ANKS1B: variants seen among roughly 807,000 people sequenced by gnomAD.
ANKS1B encodes ankyrin repeat and sterile alpha motif domain containing 1B.
In ANKS1B, 36 loss-of-function variants were observed where a neutral mutation model predicts 148.3. The observed-to-expected ratio is 0.24, with a 90% confidence interval of 0.19 to 0.32. The LOEUF (loss-of-function observed/expected upper bound fraction) is 0.32, where lower values mean the gene tolerates loss of function less well. Ranked by LOEUF, ANKS1B falls within the 10% of genes least tolerant of loss-of-function variation. The pLI is 1.00. For missense variants in ANKS1B, 1,157 were observed against 1,542.6 expected (o/e 0.75, Z 4.19); for synonymous variants, 542 against 560.8 (o/e 0.97, Z 0.47).
chr12:99,537,785 G>C (rs977788566), intron 9 of ANKS1B, among the ~76,000 whole-genome samples: 1 of 151,910 alleles, frequency 6.6e-6, no homozygotes, highest in Admixed American at 6.6e-5. Flanking sequence ...TTCCATTTTT[G>C]CTGTGGTTGT....
rs779843019 is a variant in ANKS1B, at chr12:99,775,703, T to C, written c.848-42A>G. The stretch of plus-strand genomic sequence containing the variant: ...TTGAGATTACATACTTGAATTCATT[T>C]ATTTTAAAATCAATAAATTTTAAGT... On this transcript the variant is annotated intron_variant, in intron 6 of 26. Transcript: ENST00000683438. 1.9e-4 allele frequency: 217 copies of C among 1,144,906 alleles called. No individual in the cohort carries two copies. In the East Asian group the frequency reaches 4.9e-3, roughly 26 times the overall value. The allele number at this position is 1,144,906 out of a possible 1,614,324, so 70.9% of individuals were successfully genotyped here. A position where few individuals can be genotyped will look rare whatever the true frequency, so the allele number is the denominator to read the frequency against.
chr12:98,989,164 T>C (rs879353430), intron 17 of ANKS1B, among the ~76,000 whole-genome samples: 3 of 152,190 alleles, frequency 2.0e-5, no homozygotes, highest in East Asian at 1.9e-4. Flanking sequence ...TTTTGGTTCA[T>C]GTTAAAAAAA....
chr12:99,930,342 T>C (rs1322051734), intron 1 of ANKS1B, among the ~76,000 whole-genome samples: 1 of 152,302 alleles, frequency 6.6e-6, no homozygotes, highest in East Asian at 1.9e-4. Flanking sequence ...TTTTGTACAT[T>C]GATTTTGTAT....
intron 10 of ANKS1B, among the ~76,000 whole-genome samples, chr12:99,467,381 G>C (rs2096140926): frequency 6.6e-6 from 1 of 152,168 alleles, no homozygotes; most frequent in African/African-American, 2.4e-5. Context: ...ACTGGCACAA[G>C]ACAGGGATGC....
intron 9 of ANKS1B, among the ~76,000 whole-genome samples, chr12:99,523,325 G>A (rs780939977): frequency 6.6e-6 from 1 of 152,152 alleles, no homozygotes; most frequent in Non-Finnish European, 1.5e-5. Context: ...GCTGAGGAAC[G>A]TGTATGACAA....
intron 9 of ANKS1B, among the ~76,000 whole-genome samples, chr12:98,736,679 T>C (rs1329881563): frequency 6.6e-6 from 1 of 151,562 alleles, no homozygotes; most frequent in Non-Finnish European, 1.5e-5. Context: ...GCCCCAAGAC[T>C]GAGTCCAGGG....
At chr12:99,513,955 C>A (rs1229469462) in intron 9 of ANKS1B, among the ~76,000 whole-genome samples, 3 of 152,016 alleles carry the variant, frequency 2.0e-5, no homozygotes, top group Non-Finnish European at 2.9e-5. Context: ...AGTCATAGAA[C>A]ACGTTGATTC....
rs114977259 is a variant in ANKS1B at position 98,926,171 on chromosome 12, G to A, written c.2779-94035C>T. Among the ~76,000 whole-genome samples, 67 of 152,248 alleles carry A rather than the reference G, an allele frequency of 4.4e-4. 1 individual carries two copies. The highest frequency in any genetic ancestry group is 1.5e-3 in the African/African-American group (64 of 41,542). ...GCTAAGGCAGAGTTGTAAACTGCCT[G>A]GTAGAGCATTGAAGACACACCTTAA... On this transcript the variant is annotated intron_variant, in intron 17 of 26. Coordinates refer to ENST00000683438, the MANE Select transcript of ANKS1B (RefSeq NM_001352186.2).
chr12:99,499,141 A>AT lies in ANKS1B; in HGVS notation c.1438+5334dup, dbSNP rs2096631987. 2.0e-5 allele frequency among the ~76,000 whole-genome samples: 3 copies of AT among 152,332 alleles called. No individual in the cohort carries two copies. The South Asian group carries it at 6.2e-4, about 32-fold the overall frequency. ...GGGGCAATTCTGTGGGGCTGAGTGG[A>AT]TAAGGTCTCATATAAAATTACATAG... On this transcript the variant is annotated intron_variant, in intron 10 of 26. Transcript: ENST00000683438.
At chr12:99,127,233 C>T (rs1258676687) in intron 15 of ANKS1B, among the ~76,000 whole-genome samples, 1 of 152,098 alleles carries the variant, frequency 6.6e-6, no homozygotes, top group Non-Finnish European at 1.5e-5. Context: ...AGGAGAGGAC[C>T]TGCCCTGGAG....
At chr12:99,593,488 A>G (rs1231976508) in intron 9 of ANKS1B, among the ~76,000 whole-genome samples, 1 of 152,144 alleles carries the variant, frequency 6.6e-6, no homozygotes, top group Admixed American at 6.6e-5. Context: ...AGGAATGAAC[A>G]TTCTCTGCAA....
rs1346259123 is a variant in ANKS1B at position 99,348,127 on chromosome 12, A to G, written c.1756+51504T>C. Among the ~76,000 whole-genome samples, 3 of 151,956 alleles carry G rather than the reference A, an allele frequency of 2.0e-5. No homozygotes were observed. The East Asian group carries it at 5.8e-4, about 29-fold the overall frequency. ...GAATAGAAAACATATAGATAAATCA[A>G]TTGAAATTATCCATTCTAAAGAACA... On this transcript the variant is annotated intron_variant, in intron 12 of 26. Transcript: ENST00000683438.
chr12:99,983,964 T>TA, intron 1 of ANKS1B, 140 bp downstream of exon 1: 3 of 725,562 alleles, frequency 4.1e-6, no homozygotes, highest in Non-Finnish European at 4.5e-6. Context: ...CTCCTCTCCA[T>TA]ACACGCAGTC....
chr12:99,069,096 C>A (rs1270849244), intron 16 of ANKS1B, among the ~76,000 whole-genome samples: 5 of 152,196 alleles, frequency 3.3e-5, no homozygotes, highest in East Asian at 1.9e-4. Flanking sequence ...AATGAATAGA[C>A]AGTCTGATTG....
At chr12:99,153,129 AC>A (rs2075375157) in intron 15 of ANKS1B, among the ~76,000 whole-genome samples, 2 of 152,014 alleles carry the variant, frequency 1.3e-5, no homozygotes, top group Non-Finnish European at 2.9e-5. Flanking sequence ...ATTTTTAAAA[AC>A]TCTTGGGCAT....
At position 99,029,742 on chromosome 12, in the gene ANKS1B, G is replaced by A. The variant is rs191093577; in HGVS notation, c.2778+23415C>T. 1.6e-4 allele frequency among the ~76,000 whole-genome samples: 24 copies of A among 152,344 alleles called. No individual in the cohort carries two copies. The East Asian group carries it at 3.1e-3, about 20-fold the overall frequency. On this transcript the variant is annotated intron_variant, in intron 17 of 26. Transcript: ENST00000683438. ...GGAAGAAGGCAGCTTTACACGTGAC[G>A]TAAAGAAGATTGACTGAAGGCATGC... is the stretch of plus-strand genomic sequence containing the variant.
At chr12:99,262,651 AAGATC>A (rs1293706830) in intron 12 of ANKS1B, among the ~76,000 whole-genome samples, 1 of 152,010 alleles carries the variant, frequency 6.6e-6, no homozygotes, top group East Asian at 1.9e-4. Context: ...CAATGAAAAT[AAGATC>A]ACTCTGTTTA....
chr12:99,222,327 C>G lies in ANKS1B; in HGVS notation c.2419+22015G>C, dbSNP rs569573275. ...TTTTATACTTTCTTACATTAAAACT[C>G]TCTTGGCCAGGAGTGGTGGCTCATG... On this transcript the variant is annotated intron_variant, in intron 14 of 26. Transcript: ENST00000683438. Among the ~76,000 whole-genome samples, 53 of 152,240 alleles carry G rather than the reference C, an allele frequency of 3.5e-4. No individual in the cohort carries two copies. In the South Asian group the frequency reaches 0.01, roughly 30 times the overall value.
intron 1 of ANKS1B, among the ~76,000 whole-genome samples, chr12:99,931,771 T>G (rs1267085726): frequency 2.6e-5 from 4 of 152,186 alleles, no homozygotes; most frequent in Admixed American, 2.6e-4. Context: ...TATTTCTTTG[T>G]GTTACAAACA....
Sources: gnomAD v4.1 joint callset for allele counts (sites outside exome capture counted in the v4.1 genomes callset) on GRCh38, gnomAD v4.1.1 for gene constraint, MANE v1.5 for transcripts, NCBI Gene and HGNC (gene_info 2026-07-23, HGNC 2026-07-21) for gene names.